SLK: variants seen among roughly 807,000 people sequenced by gnomAD.
SLK encodes the protein STE20-like serine/threonine-protein kinase.
SLK carries 67 observed loss-of-function variants against 147.7 expected under a neutral mutation model. That is an observed-to-expected ratio of 0.45 (90% CI 0.37 to 0.56). The LOEUF (loss-of-function observed/expected upper bound fraction) is 0.56, where lower values mean the gene tolerates loss of function less well. Among genes scored for constraint, SLK ranks in the 20% least tolerant of loss-of-function variants. The pLI, the probability that SLK is intolerant of heterozygous loss-of-function variation, is 0.00. For synonymous variants in SLK, 441 were observed against 475.0 expected, an observed-to-expected ratio of 0.93 and a Z score of 0.93; for missense variants, 1,136 against 1,438.8, an observed-to-expected ratio of 0.79 and a Z score of 3.41.
chr10:104,003,192 G>C lies in SLK; in HGVS notation c.2014G>C (p.Ala672Pro), dbSNP rs375867060. The change falls in exon 9 of 19, where the codon GCT becomes CCT. Residue 672 changes from alanine (A) to proline (P), a missense_variant. This residue lies in a region of SLK where 516 missense variants were observed against 531.3 expected (regional missense o/e 0.97). Coordinates refer to ENST00000369755, the MANE Select transcript of SLK (RefSeq NM_014720.4). ...QKALGSEVQD[A>P]SKVTTQIDKE... ...GGCTTTAGGAAGTGAAGTTCAGGAT[G>C]CTTCTAAAGTCACTACTCAGATAGA... 2 of 1,613,858 alleles carry C rather than the reference G, an allele frequency of 1.2e-6. No individual in the cohort carries two copies. Among genetic ancestry groups the C allele is most frequent in the South Asian group, 2.2e-5 (2 of 91,054 alleles).
At chr10:104,014,095 A>G (rs1232054834) in intron 13 of SLK, among the ~76,000 whole-genome samples, 1 of 152,322 alleles carries the variant, frequency 6.6e-6, no homozygotes, top group African/African-American at 2.4e-5. Flanking sequence ...AAAATAAAAT[A>G]CCCTCTCAAT....
rs1844603196 is a variant in SLK, at chr10:104,026,660, ACT to A, written c.*943_*944del. 1 of 151,872 alleles carries A rather than the reference ACT, an allele frequency of 6.6e-6. No homozygotes were observed. Among genetic ancestry groups the A allele is most frequent in the Non-Finnish European group, 1.5e-5 (1 of 67,946 alleles). 9.4% of individuals were successfully genotyped at this position (151,872 alleles called of 1,614,324 possible). A position where few individuals can be genotyped will look rare whatever the true frequency, so the allele number is the denominator to read the frequency against. ...TCCATCTTAGCTAATTCTGTTTAAA[ACT>A]CTGTCAGAGGCCTGCAGGCTGTGAG... On this transcript the variant is annotated 3_prime_UTR_variant, in exon 19 of 19. Coordinates refer to ENST00000369755, the MANE Select transcript of SLK (RefSeq NM_014720.4).
At chr10:103,968,004 T>A (rs1030694938) in intron 1 of SLK, 109 bp downstream of exon 1, 14 of 1,168,518 alleles carry the variant, frequency 1.2e-5, no homozygotes, top group Non-Finnish European at 1.7e-5. Context: ...TTCTTTTGAC[T>A]GTTACGGTTC....
At chr10:103,994,715 A>T (rs1844143941) in intron 4 of SLK, among the ~76,000 whole-genome samples, 1 of 152,210 alleles carries the variant, frequency 6.6e-6, no homozygotes, top group Admixed American at 6.5e-5. Context: ...AATGTTTAAA[A>T]TGACTCCTTA....
At chr10:103,978,939 A>T (rs1843905177) in intron 1 of SLK, among the ~76,000 whole-genome samples, 1 of 152,172 alleles carries the variant, frequency 6.6e-6, no homozygotes, top group Non-Finnish European at 1.5e-5. Flanking sequence ...AATAAATTTC[A>T]TTTCTCTTTG....
At chr10:103,969,670 A>G (rs1231455226) in intron 1 of SLK, among the ~76,000 whole-genome samples, 1 of 152,226 alleles carries the variant, frequency 6.6e-6, no homozygotes, top group African/African-American at 2.4e-5. Flanking sequence ...CAAGAGCTTC[A>G]TAAGATGCAA....
intron 1 of SLK, among the ~76,000 whole-genome samples, chr10:103,968,258 A>T (rs184994732): frequency 6.6e-5 from 10 of 152,228 alleles, no homozygotes; most frequent in African/African-American, 2.4e-4. Flanking sequence ...TTGTCTACTG[A>T]CTGCATTCGC....
intron 18 of SLK, among the ~76,000 whole-genome samples, chr10:104,022,906 C>T (rs571782266): frequency 6.6e-6 from 1 of 152,170 alleles, no homozygotes; most frequent in African/African-American, 2.4e-5. Context: ...CCATGCCCGG[C>T]CCATAGTGTG....
intron 3 of SLK, 73 bp downstream of exon 3, chr10:103,992,719 A>T: frequency 3.0e-6 from 4 of 1,349,176 alleles, no homozygotes; most frequent in South Asian, 1.3e-5. Context: ...TCAACCATAT[A>T]TAAATATATT....
chr10:104,025,711 C>G lies in SLK; in HGVS notation c.3699C>G (p.Thr1233=), dbSNP rs139177471. 8 of 1,613,880 alleles carry G rather than the reference C, an allele frequency of 5.0e-6. No homozygotes were observed. The highest frequency in any genetic ancestry group is 2.7e-5 in the African/African-American group (2 of 74,916). Residue 1233 remains threonine, a synonymous_variant, in exon 19 of 19, where the codon ACC becomes ACG. Transcript: ENST00000369755. ...KFYPIPSLHS[T]GS ...ATCCTATTCCCAGCTTGCATTCCAC[C>G]GGATCATAACAAAGGGAAGCATTCT...
chr10:104,022,023 A>G (rs541896582), intron 18 of SLK, among the ~76,000 whole-genome samples: 123 of 152,266 alleles, frequency 8.1e-4, no homozygotes, highest in Non-Finnish European at 9.7e-4. Flanking sequence ...AGGGTCTTCA[A>G]GAGGAGATGC....
intron 18 of SLK, 138 bp downstream of exon 18, chr10:104,021,871 G>T (rs1388490247): frequency 1.8e-6 from 1 of 558,454 alleles, no homozygotes; most frequent in East Asian, 3.6e-5. Context: ...TTTGTCCCCA[G>T]AAGTTTTGGA....
chr10:103,971,311 G>A (rs1843789886), intron 1 of SLK, among the ~76,000 whole-genome samples: 1 of 152,094 alleles, frequency 6.6e-6, no homozygotes, highest in Admixed American at 6.6e-5. Context: ...GTCCCTCTCT[G>A]TCGCCCAGGC....
At chr10:103,968,382 T>G (rs1007463579) in intron 1 of SLK, among the ~76,000 whole-genome samples, 1 of 152,220 alleles carries the variant, frequency 6.6e-6, no homozygotes, top group Non-Finnish European at 1.5e-5. Context: ...TTGCAGTCTC[T>G]TCTTGAGTTA....
chr10:104,002,480 T>C lies in SLK; in HGVS notation c.1302T>C (p.Pro434=), dbSNP rs1485615730. ...REKRPKLENL[P]DTEDQETVDI... ...AGAGGCCCAAGCTTGAAAATCTGCCTGACACAGAAGACCAAGAAACTGTGG... is the reference window on the plus strand; with the variant it reads ...AGAGGCCCAAGCTTGAAAATCTGCCCGACACAGAAGACCAAGAAACTGTGG... Residue 434 remains proline (P), a synonymous_variant, in exon 9 of 19, where the codon CCT becomes CCC. Coordinates refer to ENST00000369755, the MANE Select transcript of SLK (RefSeq NM_014720.4). The C allele has an allele frequency of 9.9e-6, 16 of 1,613,774 alleles. No individual in the cohort carries two copies. Among genetic ancestry groups the C allele is most frequent in the African/African-American group, 1.3e-5 (1 of 75,024 alleles).
rs199807766 is a variant in SLK, at chr10:103,992,688, A to G, written c.364+42A>G. ...TCTTTCTGTTCATATCTTAAATTATACTTGATAAGATGAAAGAATTTCAAC... is the reference window on the plus strand; with the variant it reads ...TCTTTCTGTTCATATCTTAAATTATGCTTGATAAGATGAAAGAATTTCAAC... On this transcript the variant is annotated intron_variant, in intron 3 of 18. Transcript: ENST00000369755. The G allele has an allele frequency of 1.2e-5, 18 of 1,525,512 alleles. No individual in the cohort carries two copies. The African/African-American group carries it at 2.1e-4, about 18-fold the overall frequency. The allele number at this position is 1,525,512 out of a possible 1,614,324, so 94.5% of individuals were successfully genotyped here.
intron 13 of SLK, among the ~76,000 whole-genome samples, chr10:104,016,054 C>T (rs1019467434): frequency 1.3e-5 from 2 of 152,082 alleles, no homozygotes; most frequent in Non-Finnish European, 2.9e-5. Flanking sequence ...CGCGTTGGCT[C>T]ACGCTTGTAA....
At chr10:103,976,033 G>C (rs955348171) in intron 1 of SLK, among the ~76,000 whole-genome samples, 4 of 152,144 alleles carry the variant, frequency 2.6e-5, no homozygotes, top group Non-Finnish European at 5.9e-5. Flanking sequence ...CTCCCAAGTA[G>C]CTGGGACTGT....
intron 13 of SLK, among the ~76,000 whole-genome samples, chr10:104,015,842 A>AT (rs1451631928): frequency 6.6e-6 from 1 of 151,570 alleles, no homozygotes; most frequent in Non-Finnish European, 1.5e-5. Context: ...TTTGTGTTTG[A>AT]TTTTTTTGTG....
Sources: allele counts gnomAD v4.1 joint callset (sites outside exome capture counted in the v4.1 genomes callset), GRCh38; gene constraint gnomAD v4.1.1; regional missense constraint gnomAD v4.1.1; transcripts MANE v1.5; gene names NCBI Gene and HGNC (gene_info 2026-07-23, HGNC 2026-07-21).